The following FBXL17 variants were observed in gnomAD, a reference collection of about 807,000 sequenced individuals.
The protein encoded by FBXL17 is F-box/LRR-repeat protein 17.
In FBXL17, 22 loss-of-function variants were observed where a neutral mutation model predicts 66.2. That is an observed-to-expected ratio of 0.33 (90% confidence interval 0.24 to 0.47). FBXL17 has a LOEUF of 0.47. FBXL17 is among the 20% of genes least tolerant of loss of function. FBXL17 has a pLI of 1.00. For missense variants in FBXL17, 878 were observed against 948.2 expected, an observed-to-expected ratio of 0.93 and a Z score of 0.97; for synonymous variants, 474 against 400.5, an observed-to-expected ratio of 1.18 and a Z score of -2.19.
At chr5:108,279,322 C>G (rs998464623) in intron 4 of FBXL17, among the ~76,000 whole-genome samples, 2 of 152,282 alleles carry the variant, frequency 1.3e-5, no homozygotes, top group Admixed American at 6.5e-5. Flanking sequence ...CCACCACCAT[C>G]ACCACTAAAA....
At chr5:108,181,619 T>C (rs1753006292) in intron 6 of FBXL17, among the ~76,000 whole-genome samples, 1 of 152,160 alleles carries the variant, frequency 6.6e-6, no homozygotes, top group African/African-American at 2.4e-5. Context: ...CTACGATAAA[T>C]GTTATATATA....
intron 5 of FBXL17, among the ~76,000 whole-genome samples, chr5:108,194,391 G>A (rs779493053): frequency 9.2e-5 from 14 of 152,032 alleles, no homozygotes; most frequent in Admixed American, 4.6e-4. Context: ...AAAAGTCTTC[G>A]AAATATACTT....
intron 6 of FBXL17, among the ~76,000 whole-genome samples, chr5:108,121,544 A>G (rs1237696122): frequency 2.0e-5 from 3 of 152,104 alleles, no homozygotes; most frequent in African/African-American, 7.2e-5. Flanking sequence ...AATCTAATTG[A>G]TACAAAAATA....
At chr5:108,274,700 T>C (rs1046761518) in intron 4 of FBXL17, among the ~76,000 whole-genome samples, 6 of 152,182 alleles carry the variant, frequency 3.9e-5, no homozygotes, top group East Asian at 1.9e-4. Flanking sequence ...GAGATTGTAG[T>C]AAAGACAGGC....
At chr5:108,173,672 T>C (rs1432910428) in intron 6 of FBXL17, among the ~76,000 whole-genome samples, 1 of 152,186 alleles carries the variant, frequency 6.6e-6, no homozygotes, top group Non-Finnish European at 1.5e-5. Context: ...GCGTAAGAAT[T>C]GCTTCTATGG....
chr5:108,059,982 T>C (rs1470342004), intron 6 of FBXL17, among the ~76,000 whole-genome samples: 1 of 150,624 alleles, frequency 6.6e-6, no homozygotes, highest in East Asian at 1.9e-4. Flanking sequence ...ACTGAATATG[T>C]TTTTATATAC....
rs146215607 is a variant in FBXL17, at chr5:107,903,348, A to C, written c.1823-22169T>G. On this transcript the variant is annotated intron_variant, in intron 7 of 8. Transcript: ENST00000542267. ...ACATACAATAACTAATGAAAAATGTATTTATTGAGCATTTTCAAGGTACTT... is the reference window on the plus strand; with the variant it reads ...ACATACAATAACTAATGAAAAATGTCTTTATTGAGCATTTTCAAGGTACTT... 6.6e-3 allele frequency among the ~76,000 whole-genome samples: 1,006 copies of C among 152,302 alleles called. 17 individuals are homozygous for C. Among genetic ancestry groups the C allele is most frequent in the African/African-American group, 0.023 (966 of 41,572 alleles).
At chr5:108,201,758 C>G (rs1030019709) in intron 5 of FBXL17, among the ~76,000 whole-genome samples, 2 of 150,728 alleles carry the variant, frequency 1.3e-5, no homozygotes, top group East Asian at 3.9e-4. Context: ...TTCAATATCA[C>G]TCTTTATGTA....
At chr5:107,974,698 G>T (rs1752514167) in intron 7 of FBXL17, among the ~76,000 whole-genome samples, 1 of 151,924 alleles carries the variant, frequency 6.6e-6, no homozygotes, top group African/African-American at 2.4e-5. Flanking sequence ...TTTAGGTCCA[G>T]TGTTTTCAGA....
chr5:108,334,118 T>C (rs918586426), intron 4 of FBXL17, among the ~76,000 whole-genome samples: 4 of 152,202 alleles, frequency 2.6e-5, no homozygotes, highest in African/African-American at 9.6e-5. Flanking sequence ...TACATTTTAA[T>C]ATTTTATTCA....
intron 6 of FBXL17, among the ~76,000 whole-genome samples, chr5:108,036,844 T>C (rs1214830219): frequency 6.6e-6 from 1 of 152,188 alleles, no homozygotes; most frequent in Non-Finnish European, 1.5e-5. Flanking sequence ...ATTTGAATAA[T>C]TTTTATTATT....
chr5:107,984,788 C>A (rs1264056853), intron 7 of FBXL17, among the ~76,000 whole-genome samples: 1 of 152,080 alleles, frequency 6.6e-6, no homozygotes, highest in East Asian at 1.9e-4. Flanking sequence ...CTATTAAATA[C>A]TGAGAATACT....
chr5:108,145,584 A>C (rs933241945), intron 6 of FBXL17, among the ~76,000 whole-genome samples: 1 of 152,156 alleles, frequency 6.6e-6, no homozygotes, highest in Non-Finnish European at 1.5e-5. Context: ...TACAATGTTT[A>C]CTATGGGGAA....
intron 7 of FBXL17, among the ~76,000 whole-genome samples, chr5:107,961,419 G>T (rs1441713940): frequency 1.3e-5 from 2 of 151,846 alleles, no homozygotes; most frequent in South Asian, 4.2e-4. Flanking sequence ...GTAGGGACAG[G>T]GTTTCGCCAT....
intron 8 of FBXL17, among the ~76,000 whole-genome samples, chr5:107,867,371 C>A (rs1748306188): frequency 6.6e-6 from 1 of 152,210 alleles, no homozygotes; most frequent in Non-Finnish European, 1.5e-5. Flanking sequence ...AATAACTAAG[C>A]TACACTTTGG....
At chr5:108,188,234 C>G (rs369642865) in intron 5 of FBXL17, among the ~76,000 whole-genome samples, 18 of 152,258 alleles carry the variant, frequency 1.2e-4, no homozygotes, top group African/African-American at 4.1e-4. Flanking sequence ...CTACTCAATG[C>G]TCTCTGAAGC....
intron 6 of FBXL17, among the ~76,000 whole-genome samples, chr5:108,114,894 T>C (rs1750182046): frequency 6.6e-6 from 1 of 152,170 alleles, no homozygotes; most frequent in African/African-American, 2.4e-5. Context: ...ACAAGGTAAA[T>C]GACAAACATG....
chr5:108,360,724 T>A (rs1042615487), intron 3 of FBXL17, among the ~76,000 whole-genome samples: 3 of 152,096 alleles, frequency 2.0e-5, no homozygotes, highest in African/African-American at 7.2e-5. Context: ...ATGTGAATGT[T>A]TTTCTGCTTG....
chr5:108,318,599 TTCTC>T (rs1428558656), intron 4 of FBXL17, among the ~76,000 whole-genome samples: 2 of 151,892 alleles, frequency 1.3e-5, no homozygotes, highest in African/African-American at 4.8e-5. Flanking sequence ...TATATTTTGA[TTCTC>T]TCTCATCAAA....
Sources: allele counts gnomAD v4.1 joint callset (sites outside exome capture counted in the v4.1 genomes callset), GRCh38; gene constraint gnomAD v4.1.1; transcripts MANE v1.5; gene names NCBI Gene and HGNC (gene_info 2026-07-23, HGNC 2026-07-21).